The following HSPA2 variants were observed in gnomAD, a reference collection of about 807,000 sequenced individuals.
HSPA2 encodes the protein heat shock-related 70 kDa protein 2.
Under a neutral mutation model 35.0 loss-of-function variants are expected in HSPA2, and 13 were observed. That is an observed-to-expected ratio of 0.37 (90% confidence interval 0.24 to 0.59). The LOEUF (loss-of-function observed/expected upper bound fraction) is 0.59. Among genes scored for constraint, HSPA2 ranks in the 20% least tolerant of loss-of-function variants. The pLI is 0.70. For missense variants in HSPA2, 565 were observed against 885.4 expected (o/e 0.64, Z 4.59); for synonymous variants, 368 against 382.1 (o/e 0.96, Z 0.43).
Position 64,541,226 on chromosome 14 carries a change from C to T in HSPA2, c.377C>T (p.Thr126Met), listed in dbSNP as rs1216633059. ...GAGGAGATATCCTCCATGGTCCTCA[C>T]GAAGATGAAGGAGATCGCGGAAGCC... Reference protein sequence around the residue: ...FPEEISSMVLTKMKEIAEAYL... With the variant: ...FPEEISSMVLMKMKEIAEAYL... The change falls in exon 1 of 1, where the codon ACG becomes ATG. Residue 126 changes from threonine (T) to methionine (M), a missense_variant. Thr to Met is a moderately conservative substitution (Grantham distance 81). Transcript: ENST00000247207. 1 of 1,613,858 alleles carries T rather than the reference C, an allele frequency of 6.2e-7. No homozygotes were observed. The highest frequency in any genetic ancestry group is 2.2e-5 in the East Asian group (1 of 44,882).
At position 64,541,155 on chromosome 14, in the gene HSPA2, C is replaced by A. The variant is rs771028478; in HGVS notation, c.306C>A (p.Pro102=). The A allele has an allele frequency of 6.2e-7, 1 of 1,614,092 alleles. No homozygotes were observed. Among genetic ancestry groups the A allele is most frequent in the African/African-American group, 1.3e-5 (1 of 74,936 alleles). ...PFRVVSEGGK[P]KVQVEYKGET... The stretch of plus-strand genomic sequence containing the variant: ...GGGTGGTGAGCGAGGGAGGCAAGCC[C>A]AAAGTGCAAGTAGAGTACAAGGGGG... The change falls in exon 1 of 1, where the codon CCC becomes CCA. Residue 102 remains proline (P), a synonymous_variant. Coordinates refer to ENST00000247207, the MANE Select transcript of HSPA2 (RefSeq NM_021979.4).
In HSPA2 at chr14:64,543,233, T is replaced by G; in HGVS notation, c.*464T>G. 5.4e-6 allele frequency: 1 copy of G among 184,084 alleles called. No homozygotes were observed. The highest frequency in any genetic ancestry group is 1.4e-4 in the South Asian group (1 of 7,356). The allele number at this position is 184,084 out of a possible 1,614,324, so 11.4% of individuals were successfully genotyped here. A position where few individuals can be genotyped will look rare whatever the true frequency, so the allele number is the denominator to read the frequency against. ...ATGTAAAGTAAAGCTGAAATTGATC[T>G]CAAAGTTACTGTCTTGGAGTTTTCA... is the stretch of plus-strand genomic sequence containing the variant. On this transcript the variant is annotated 3_prime_UTR_variant, in exon 1 of 1. Coordinates refer to ENST00000247207, the MANE Select transcript of HSPA2 (RefSeq NM_021979.4).
Position 64,542,796 on chromosome 14 carries a change from CTT to C in HSPA2, c.*29_*30del, listed in dbSNP as rs2080043840. The C allele has an allele frequency of 6.5e-7, 1 of 1,535,150 alleles. No homozygotes were observed. Among genetic ancestry groups the C allele is most frequent in the Non-Finnish European group, 8.7e-7 (1 of 1,145,514 alleles). The stretch of plus-strand genomic sequence containing the variant: ...CTTGCACTCAAGTCAGCGTAAACCT[CTT>C]TGCCTTTCTCTCTCTCTCTTTTTTT... On this transcript the variant is annotated 3_prime_UTR_variant, in exon 1 of 1. Transcript: ENST00000247207. The surrounding 1 kb of genome is among the most constrained non-coding windows in gnomAD (Gnocchi z 5.7).
upstream of HSPA2, among the ~76,000 whole-genome samples, chr14:64,540,144 C>T (rs1421502483): frequency 6.6e-6 from 1 of 151,050 alleles, no homozygotes; most frequent in African/African-American, 2.4e-5. Flanking sequence ...ATTCCCTATT[C>T]CCTCCCCTTG....
chr14:64,542,487 G>A lies in HSPA2; in HGVS notation c.1638G>A (p.Glu546=). 6.2e-7 allele frequency: 1 copy of A among 1,613,590 alleles called. No individual in the cohort carries two copies. Among genetic ancestry groups the A allele is most frequent in the Non-Finnish European group, 8.5e-7 (1 of 1,179,998 alleles). ...RDRVAAKNAL[E]SYTYNIKQTV... ...GAGTCGCGGCCAAAAACGCCCTGGA[G>A]TCCTATACCTACAACATCAAGCAGA... Residue 546 remains glutamate (E), a synonymous_variant, in exon 1 of 1, where the codon GAG becomes GAA. Transcript: ENST00000247207. This position sits in a 1 kb window ranked among gnomAD's most constrained non-coding sequence, Gnocchi z 5.7.
chr14:64,536,273 A>G (rs2079980252), upstream of HSPA2, among the ~76,000 whole-genome samples: 1 of 152,108 alleles, frequency 6.6e-6, no homozygotes, highest in African/African-American at 2.4e-5. Context: ...CTTGTAAACC[A>G]TTTTTACGGC....
chr14:64,536,198 A>T (rs1412971451), upstream of HSPA2, among the ~76,000 whole-genome samples: 1 of 152,198 alleles, frequency 6.6e-6, no homozygotes, highest in Non-Finnish European at 1.5e-5. Flanking sequence ...ATATAAGAAG[A>T]TACAAGTTTC....
chr14:64,537,254 AAAAGAAAGAAAGAAAGAAAAAGAAGG>A (rs1566641250), upstream of HSPA2, among the ~76,000 whole-genome samples: 1 of 152,138 alleles, frequency 6.6e-6, no homozygotes, highest in African/African-American at 2.4e-5. Flanking sequence ...CAAAGAAAAG[AAAAGAAAGAAAGAAAGAAAAAGAAGG>A]AAAGAAAGAA....
chr14:64,540,724 A>T (rs368239397), upstream of HSPA2: 1 of 1,417,976 alleles, frequency 7.1e-7, no homozygotes, highest in East Asian at 2.4e-5. Flanking sequence ...AGAACCGGGA[A>T]CTGGGCGCGG....
upstream of HSPA2, among the ~76,000 whole-genome samples, chr14:64,536,474 A>G (rs1352147932): frequency 6.6e-6 from 1 of 152,226 alleles, no homozygotes; most frequent in Non-Finnish European, 1.5e-5. Context: ...TAAAGAAAAA[A>G]TATTGGCCAG....
Position 64,541,249 on chromosome 14 carries a change from G to C in HSPA2, c.400G>C (p.Ala134Pro). 1 of 1,614,052 alleles carries C rather than the reference G, an allele frequency of 6.2e-7. No homozygotes were observed. The highest frequency in any genetic ancestry group is 8.5e-7 in the Non-Finnish European group (1 of 1,180,036). Residue 134 changes from alanine (A) to proline (P), a missense_variant, in exon 1 of 1, where the codon GCC becomes CCC. Coordinates refer to ENST00000247207, the MANE Select transcript of HSPA2 (RefSeq NM_021979.4). ...CACGAAGATGAAGGAGATCGCGGAAGCCTACCTGGGGGGCAAGGTGCACAG... is the reference window on the plus strand; with the variant it reads ...CACGAAGATGAAGGAGATCGCGGAACCCTACCTGGGGGGCAAGGTGCACAG... ...VLTKMKEIAE[A>P]YLGGKVHSAV...
chr14:64,542,004 C>T lies in HSPA2; in HGVS notation c.1155C>T (p.Gly385=). 1.2e-6 allele frequency: 2 copies of T among 1,613,556 alleles called. No individual in the cohort carries two copies. The highest frequency in any genetic ancestry group is 1.7e-6 in the Non-Finnish European group (2 of 1,180,016). Residue 385 remains glycine, a synonymous_variant, in exon 1 of 1, where the codon GGC becomes GGT. Coordinates refer to ENST00000247207, the MANE Select transcript of HSPA2 (RefSeq NM_021979.4). The surrounding 1 kb of genome is among the most constrained non-coding windows in gnomAD (Gnocchi z 5.7). ...CGGTGCAGGCGGCCATCCTCATCGGCGACAAATCAGAGAATGTGCAGGACC... is the reference window on the plus strand; with the variant it reads ...CGGTGCAGGCGGCCATCCTCATCGGTGACAAATCAGAGAATGTGCAGGACC... ...GAAVQAAILI[G]DKSENVQDLL... is the part of the protein sequence containing the mutation.
chr14:64,540,752 A>G lies in HSPA2; in HGVS notation c.-98A>G, dbSNP rs1596713121. The G allele has an allele frequency of 3.9e-6, 6 of 1,532,168 alleles. No homozygotes were observed. In the East Asian group the frequency reaches 9.2e-5, roughly 24 times the overall value. 94.9% of individuals were successfully genotyped at this position (1,532,168 alleles called of 1,614,324 possible). Reference sequence around the variant, plus strand: ...GGGCGCGGGGAGCTGAGTTGCTGGTAGTGCCCGTGGTGCTTGGTTCGAGGT... The same window carrying G: ...GGGCGCGGGGAGCTGAGTTGCTGGTGGTGCCCGTGGTGCTTGGTTCGAGGT... On this transcript the variant is annotated 5_prime_UTR_variant, in exon 1 of 1. Transcript: ENST00000247207.
upstream of HSPA2, among the ~76,000 whole-genome samples, chr14:64,540,001 G>C (rs367728457): frequency 1.4e-4 from 22 of 152,192 alleles, no homozygotes; most frequent in East Asian, 3.5e-3. Flanking sequence ...TTTTAATCGA[G>C]CGCTCACAAC....
chr14:64,542,448 G>A lies in HSPA2; in HGVS notation c.1599G>A (p.Glu533=), dbSNP rs139711462. 1.9e-6 allele frequency: 3 copies of A among 1,613,730 alleles called. No individual in the cohort carries two copies. The highest frequency in any genetic ancestry group is 2.2e-5 in the East Asian group (1 of 44,840). Residue 533 remains glutamate (E), a synonymous_variant, in exon 1 of 1, where the codon GAG becomes GAA. Transcript: ENST00000247207. This position sits in a 1 kb window ranked among gnomAD's most constrained non-coding sequence, Gnocchi z 5.7. ...CGGAGCGGTACAAATCGGAAGATGAGGCGAATCGCGACCGAGTCGCGGCCA... is the reference window on the plus strand; with the variant it reads ...CGGAGCGGTACAAATCGGAAGATGAAGCGAATCGCGACCGAGTCGCGGCCA... ...QEAERYKSED[E]ANRDRVAAKN...
upstream of HSPA2, among the ~76,000 whole-genome samples, chr14:64,537,820 C>T (rs2079990944): frequency 6.6e-6 from 1 of 151,294 alleles, no homozygotes; most frequent in Admixed American, 6.6e-5. Context: ...CTCTGCCTCC[C>T]GGATTCAAGC....
chr14:64,540,382 C>T (rs2080016931), upstream of HSPA2: 2 of 215,600 alleles, frequency 9.3e-6, no homozygotes, highest in South Asian at 6.6e-5. Flanking sequence ...TGGCCGCGTG[C>T]CCTGCCAATC....
chr14:64,538,539 T>G (rs1430406525), upstream of HSPA2, among the ~76,000 whole-genome samples: 1 of 152,248 alleles, frequency 6.6e-6, no homozygotes, highest in South Asian at 2.1e-4. Flanking sequence ...TCCTACTCTT[T>G]GCTGGCGAAC....
Position 64,541,713 on chromosome 14 carries a change from C to A in HSPA2, c.864C>A (p.Asp288Glu). The A allele has an allele frequency of 6.2e-7, 1 of 1,611,910 alleles. No homozygotes were observed. The highest frequency in any genetic ancestry group is 8.5e-7 in the Non-Finnish European group (1 of 1,179,556). ...SSSTQASIEI[D>E]SLYEGVDFYT... Reference sequence around the variant, plus strand: ...CCACGCAGGCGAGCATCGAGATCGACTCGCTCTACGAGGGCGTGGACTTCT... The same window carrying A: ...CCACGCAGGCGAGCATCGAGATCGAATCGCTCTACGAGGGCGTGGACTTCT... The change falls in exon 1 of 1, where the codon GAC becomes GAA. Residue 288 changes from aspartate (D) to glutamate (E), a missense_variant. By Grantham distance (45) the Asp-to-Glu change is conservative (BLOSUM62 2). Coordinates refer to ENST00000247207, the MANE Select transcript of HSPA2 (RefSeq NM_021979.4).
Sources: allele counts gnomAD v4.1 joint callset (sites outside exome capture counted in the v4.1 genomes callset), GRCh38; gene constraint gnomAD v4.1.1; non-coding constraint Gnocchi (gnomAD v3.1); transcripts MANE v1.5; gene names NCBI Gene and HGNC (gene_info 2026-07-23, HGNC 2026-07-21).